KIT: variants seen among roughly 807,000 people sequenced by gnomAD.
KIT encodes KIT proto-oncogene, receptor tyrosine kinase, also known as mast/stem cell growth factor receptor Kit.
In KIT, 16 loss-of-function variants were observed where a neutral mutation model predicts 105.7. The observed-to-expected ratio is 0.15, with a 90% CI of 0.10 to 0.23. The LOEUF is 0.23. KIT is among the 10% of genes least tolerant of loss of function. KIT has a pLI of 1.00. For missense variants in KIT, 858 were observed against 1,213.8 expected, an observed-to-expected ratio of 0.71 and a Z score of 4.36; for synonymous variants, 438 against 441.1, an observed-to-expected ratio of 0.99 and a Z score of 0.09.
At chr4:54,680,541 G>A (rs1046918333) in intron 1 of KIT, among the ~76,000 whole-genome samples, 20 of 151,884 alleles carry the variant, frequency 1.3e-4, no homozygotes, top group African/African-American at 4.8e-4. Flanking sequence ...ACAGGCGCCC[G>A]CCACCACGCC....
At chr4:54,659,152 G>GC (rs1160970839) in intron 1 of KIT, among the ~76,000 whole-genome samples, 1 of 152,238 alleles carries the variant, frequency 6.6e-6, no homozygotes, top group African/African-American at 2.4e-5. Context: ...CTTCAGGGCT[G>GC]CCTGGGGGTG....
chr4:54,704,928 G>A (rs1016001717), intron 5 of KIT, among the ~76,000 whole-genome samples: 9 of 152,046 alleles, frequency 5.9e-5, no homozygotes, highest in Admixed American at 1.3e-4. Flanking sequence ...AAATTTTGGC[G>A]TTTCTGCCCA....
At chr4:54,687,992 G>A (rs1719438820) in intron 1 of KIT, among the ~76,000 whole-genome samples, 1 of 152,162 alleles carries the variant, frequency 6.6e-6, no homozygotes, top group Non-Finnish European at 1.5e-5. Context: ...TGACGACGGT[G>A]CATTGAGCTC....
chr4:54,739,835 A>G lies in KIT; in HGVS notation c.*1278A>G, dbSNP rs565640146. 2 of 233,544 alleles carry G rather than the reference A, an allele frequency of 8.6e-6. No homozygotes were observed. Among genetic ancestry groups the G allele is most frequent in the Admixed American group, 1.1e-4 (2 of 17,784 alleles). 14.5% of individuals were successfully genotyped at this position (233,544 alleles called of 1,614,324 possible). ...TTACCAGAAGCTTCCATAGTGGTGC[A>G]GAGGAAGTGGAAGGCATCAGTCCCT... On this transcript the variant is annotated 3_prime_UTR_variant, in exon 21 of 21. Transcript: ENST00000288135.
chr4:54,727,707 A>G lies in KIT; in HGVS notation c.1775-116A>G, dbSNP rs116275848. The G allele has an allele frequency of 1.0e-3, 1,326 of 1,274,072 alleles. 6 individuals are homozygous for G. The African/African-American group carries it at 0.016, about 16-fold the overall frequency. The allele number at this position is 1,274,072 out of a possible 1,614,324, so 78.9% of individuals were successfully genotyped here. On this transcript the variant is annotated intron_variant, in intron 11 of 20. Coordinates refer to ENST00000288135, the MANE Select transcript of KIT (RefSeq NM_000222.3). Reference sequence around the variant, plus strand: ...TTGCCATAGAGAACATCGTAGGAAAATGTCTCTGGACAACATTGTTTTTAA... The same window carrying G: ...TTGCCATAGAGAACATCGTAGGAAAGTGTCTCTGGACAACATTGTTTTTAA...
rs745596772 is a variant in KIT at position 54,707,299 on chromosome 4, A to G, written c.1115+12A>G. 46 of 1,584,218 alleles carry G rather than the reference A, an allele frequency of 2.9e-5. No individual in the cohort carries two copies. Among genetic ancestry groups the G allele is most frequent in the Admixed American group, 6.7e-5 (4 of 59,964 alleles). Reference sequence around the variant, plus strand: ...GAAAGTAATATCAGGTAAGAAATGGACCTTGCCCTGGGGGATTACACATTA... The same window carrying G: ...GAAAGTAATATCAGGTAAGAAATGGGCCTTGCCCTGGGGGATTACACATTA... On this transcript the variant is annotated intron_variant, in intron 6 of 20. Transcript: ENST00000288135.
chr4:54,731,811 C>T (rs2109794266), intron 15 of KIT, 60 bp from the exon 16 acceptor site: 1 of 1,584,458 alleles, frequency 6.3e-7, no homozygotes, highest in Non-Finnish European at 8.7e-7. Flanking sequence ...TTGCCACTGT[C>T]TTTTCCTTTC....
chr4:54,692,249 T>C (rs1371883804), intron 1 of KIT, among the ~76,000 whole-genome samples: 2 of 152,206 alleles, frequency 1.3e-5, no homozygotes, highest in Non-Finnish European at 1.5e-5. Context: ...GCTAAAAGGC[T>C]TTCCTGCTTT....
At chr4:54,663,718 G>A (rs1348257509) in intron 1 of KIT, among the ~76,000 whole-genome samples, 1 of 152,090 alleles carries the variant, frequency 6.6e-6, no homozygotes, top group Non-Finnish European at 1.5e-5. Flanking sequence ...TTCACCTAGG[G>A]TCCATGAAAG....
In KIT at chr4:54,740,009, G is replaced by C. The variant is rs2109823660; in HGVS notation, c.*1452G>C. On this transcript the variant is annotated 3_prime_UTR_variant, in exon 21 of 21. Coordinates refer to ENST00000288135, the MANE Select transcript of KIT (RefSeq NM_000222.3). ...CTGTAGCCTGGATATTATTCTTGTA[G>C]TTTACCTCTTTAAAAACAAAACAAA... 4.3e-6 allele frequency: 1 copy of C among 233,480 alleles called. No homozygotes were observed. The highest frequency in any genetic ancestry group is 5.6e-5 in the Admixed American group (1 of 17,792). 14.5% of individuals were successfully genotyped at this position (233,480 alleles called of 1,614,324 possible).
rs11345859 is a variant in KIT at position 54,669,211 on chromosome 4, A to ACC, written c.67+11139_67+11140dup. ...AAAAGCATCACTTTGATAAAAGAGG[A>ACC]CCCCCCCCCCTTGCTTTTTTAAAAT... On this transcript the variant is annotated intron_variant, in intron 1 of 20. Transcript: ENST00000288135. 5.8e-3 allele frequency among the ~76,000 whole-genome samples: 848 copies of ACC among 147,210 alleles called. 8 individuals are homozygous for ACC. The highest frequency in any genetic ancestry group is 0.019 in the African/African-American group (745 of 40,090).
intron 1 of KIT, among the ~76,000 whole-genome samples, chr4:54,658,731 C>G (rs1717006519): frequency 6.6e-6 from 1 of 151,662 alleles, no homozygotes; most frequent in African/African-American, 2.4e-5. Flanking sequence ...GCTGGGAGTG[C>G]GCGGCGTGGG....
intron 7 of KIT, among the ~76,000 whole-genome samples, chr4:54,710,653 C>T (rs940388672): frequency 1.3e-5 from 2 of 151,548 alleles, no homozygotes; most frequent in African/African-American, 2.4e-5. Context: ...AAGTGATTCT[C>T]CTGCCACAGC....
chr4:54,726,407 C>T (rs1722217128), intron 9 of KIT, among the ~76,000 whole-genome samples: 1 of 152,172 alleles, frequency 6.6e-6, no homozygotes, highest in African/African-American at 2.4e-5. Flanking sequence ...TTAAAAATTT[C>T]AGTTATTTAA....
At chr4:54,683,410 G>A (rs924782729) in intron 1 of KIT, among the ~76,000 whole-genome samples, 1 of 152,150 alleles carries the variant, frequency 6.6e-6, no homozygotes, top group African/African-American at 2.4e-5. Flanking sequence ...GCAGAGGCAG[G>A]AGAATAGCGT....
intron 4 of KIT, among the ~76,000 whole-genome samples, chr4:54,701,629 C>T (rs761766316): frequency 5.9e-5 from 9 of 151,688 alleles, no homozygotes; most frequent in Non-Finnish European, 1.3e-4. Context: ...GTTCATGCTG[C>T]ATCTCTTATG....
intron 12 of KIT, 30 bp from the exon 13 acceptor site, chr4:54,727,981 T>C (rs1350973088): frequency 2.5e-6 from 4 of 1,613,466 alleles, no homozygotes; most frequent in Admixed American, 1.7e-5. Flanking sequence ...CAGTTGTGCT[T>C]TTTGCTAAAA....
chr4:54,683,040 CTG>C (rs1043213851), intron 1 of KIT, among the ~76,000 whole-genome samples: 1 of 151,464 alleles, frequency 6.6e-6, no homozygotes, highest in Non-Finnish European at 1.5e-5. Context: ...GTGTGAGCTA[CTG>C]TGCCCGGCCT....
intron 1 of KIT, among the ~76,000 whole-genome samples, chr4:54,680,601 C>T (rs1269874487): frequency 6.6e-6 from 1 of 151,936 alleles, no homozygotes; most frequent in Non-Finnish European, 1.5e-5. Flanking sequence ...CGGTGTTGGG[C>T]AGGCTGGTCT....
Sources: gnomAD v4.1 joint callset for allele counts (sites outside exome capture counted in the v4.1 genomes callset) on GRCh38, gnomAD v4.1.1 for gene constraint, MANE v1.5 for transcripts, NCBI Gene and HGNC (gene_info 2026-07-23, HGNC 2026-07-21) for gene names.